The following CRAMP1 variants were observed in gnomAD, a reference collection of about 807,000 sequenced individuals.
The protein encoded by CRAMP1 is cramped chromatin regulator 1.
Under a neutral mutation model 115.4 loss-of-function variants are expected in CRAMP1, and 50 were observed. That is an observed-to-expected ratio of 0.43 (90% CI 0.35 to 0.55). The LOEUF is 0.55. Among genes scored for constraint, CRAMP1 ranks in the 20% least tolerant of loss-of-function variants. The pLI is 0.01. For missense variants in CRAMP1, 1,679 were observed against 1,721.7 expected (o/e 0.98, Z 0.44); for synonymous variants, 866 against 745.4 (o/e 1.16, Z -2.64).
At chr16:1,641,054 T>C (rs972612396) in intron 5 of CRAMP1, 85 bp from the exon 6 acceptor site, 81 of 906,242 alleles carry the variant, frequency 8.9e-5, no homozygotes, top group Non-Finnish European at 1.3e-4. Context: ...TTTGAGTCTA[T>C]ATTGAGCGGA....
intron 10 of CRAMP1, among the ~76,000 whole-genome samples, chr16:1,659,517 A>G (rs568430834): frequency 4.8e-4 from 73 of 151,932 alleles, no homozygotes; most frequent in Non-Finnish European, 7.8e-4. Context: ...CCTCCAGAGT[A>G]GCTGAGACTA....
rs145965128 is a variant in CRAMP1, at chr16:1,661,756, C to T, written c.2414-734C>T. Among the ~76,000 whole-genome samples the T allele has an allele frequency of 1.5e-3, 222 of 152,152 alleles. 1 individual carries two copies. Among genetic ancestry groups the T allele is most frequent in the African/African-American group, 4.9e-3 (203 of 41,498 alleles). On this transcript the variant is annotated intron_variant, in intron 11 of 20. Coordinates refer to ENST00000397412, the MANE Select transcript of CRAMP1 (RefSeq NM_020825.4). ...GATTACAGGCATGTGCCACCATGCT[C>T]GGGTAATTTTTGTTTTCAGTAGAGA... is the stretch of plus-strand genomic sequence containing the variant.
intron 3 of CRAMP1, among the ~76,000 whole-genome samples, chr16:1,626,813 C>T (rs1056292609): frequency 8.6e-5 from 13 of 151,776 alleles, no homozygotes; most frequent in Non-Finnish European, 1.3e-4. Context: ...TTTTTTTTAA[C>T]GCCTGTAAAT....
At position 1,659,735 on chromosome 16, in the gene CRAMP1, C is replaced by T. The variant is rs559413225; in HGVS notation, c.2236-151C>T. 5 of 760,558 alleles carry T rather than the reference C, an allele frequency of 6.6e-6. No homozygotes were observed. The East Asian group carries it at 8.1e-5, about 12-fold the overall frequency. The allele number at this position is 760,558 out of a possible 1,614,324, so 47.1% of individuals were successfully genotyped here. ...AAGCTGCCAAGCGACTCTGGGGACA[C>T]TGAGGTTGGGCGTCTCTGGCCCTGG... is the stretch of plus-strand genomic sequence containing the variant. On this transcript the variant is annotated intron_variant, in intron 10 of 20. Transcript: ENST00000397412.
At chr16:1,641,032 TC>T (rs775739854) in intron 5 of CRAMP1, 106 bp from the exon 6 acceptor site, 35 of 734,866 alleles carry the variant, frequency 4.8e-5, no homozygotes, top group Non-Finnish European at 7.1e-5. Context: ...ACTTTAATAT[TC>T]GGTAATGGGA....
At chr16:1,663,095 A>AT (rs1454590092) in intron 13 of CRAMP1, among the ~76,000 whole-genome samples, 1 of 152,250 alleles carries the variant, frequency 6.6e-6, no homozygotes, top group Non-Finnish European at 1.5e-5. Context: ...AATGTCCCAG[A>AT]TTGGGATGTA....
At chr16:1,620,109 T>C (rs1023253393) in intron 2 of CRAMP1, among the ~76,000 whole-genome samples, 2 of 151,780 alleles carry the variant, frequency 1.3e-5, no homozygotes, top group African/African-American at 4.8e-5. Flanking sequence ...CATGTGACCT[T>C]GGAGATGGTA....
chr16:1,655,885 A>C lies in CRAMP1; in HGVS notation c.1128A>C (p.Thr376=). ...WALHEVRVRK[T]LEERQLQDSC... ...CCTTGACGGGCACTCAGCGGAAGAC[A>C]CTCGAGGAGCGGCAGCTGCAGGACT... Residue 376 remains threonine (T), a synonymous_variant, in exon 10 of 21, where the codon ACA becomes ACC. Transcript: ENST00000397412. 2.5e-6 allele frequency: 4 copies of C among 1,607,796 alleles called. No individual in the cohort carries two copies. The highest frequency in any genetic ancestry group is 3.4e-6 in the Non-Finnish European group (4 of 1,176,084).
intron 4 of CRAMP1, among the ~76,000 whole-genome samples, chr16:1,635,675 A>G (rs1314473595): frequency 6.6e-6 from 1 of 152,170 alleles, no homozygotes; most frequent in Admixed American, 6.5e-5. Context: ...TTTAAAATAT[A>G]TATTTTAGAA....
chr16:1,619,771 G>A (rs1286335963), intron 2 of CRAMP1, among the ~76,000 whole-genome samples: 1 of 152,182 alleles, frequency 6.6e-6, no homozygotes, highest in African/African-American at 2.4e-5. Context: ...GGGAGTCCCG[G>A]CAGAGAAGGG....
chr16:1,615,189 T>C lies in CRAMP1; in HGVS notation c.346+204T>C, dbSNP rs533724086. Among the ~76,000 whole-genome samples the C allele has an allele frequency of 3.3e-5, 5 of 152,336 alleles. 1 individual carries two copies. The highest frequency in any genetic ancestry group is 1.2e-4 in the African/African-American group (5 of 41,574). ...TGCGACTTTCTATATTTAAACTCTT[T>C]GAAGAGGCAGTGAGTATCCTTTTTT... On this transcript the variant is annotated intron_variant, in intron 2 of 20. Coordinates refer to ENST00000397412, the MANE Select transcript of CRAMP1 (RefSeq NM_020825.4).
At chr16:1,663,030 A>G (rs1303167276) in intron 13 of CRAMP1, among the ~76,000 whole-genome samples, 195 bp downstream of exon 13, 1 of 152,270 alleles carries the variant, frequency 6.6e-6, no homozygotes, top group Non-Finnish European at 1.5e-5. Context: ...GTAATCTTTC[A>G]ATAACATGGA....
At chr16:1,617,328 A>G (rs1224727248) in intron 2 of CRAMP1, among the ~76,000 whole-genome samples, 1 of 152,182 alleles carries the variant, frequency 6.6e-6, no homozygotes, top group African/African-American at 2.4e-5. Context: ...TGTGCCCAGG[A>G]CATCCTCTGA....
In CRAMP1 at chr16:1,674,228, T is replaced by C; in HGVS notation, c.*183T>C. The stretch of plus-strand genomic sequence containing the variant: ...GCAACGGCGTCCAAGGAGACTAGGA[T>C]GAGTTCTTGGCAAGGGCCAGCGTTA... On this transcript the variant is annotated 3_prime_UTR_variant, in exon 21 of 21. Coordinates refer to ENST00000397412, the MANE Select transcript of CRAMP1 (RefSeq NM_020825.4). The C allele has an allele frequency of 1.6e-6, 1 of 626,158 alleles. No individual in the cohort carries two copies. The highest frequency in any genetic ancestry group is 2.0e-5 in the South Asian group (1 of 50,792). 38.8% of individuals were successfully genotyped at this position (626,158 alleles called of 1,614,324 possible).
chr16:1,629,969 C>T (rs540218920), intron 3 of CRAMP1, among the ~76,000 whole-genome samples: 2 of 152,100 alleles, frequency 1.3e-5, no homozygotes, highest in East Asian at 3.9e-4. Context: ...AAGCACAATG[C>T]CACCTCCCCT....
chr16:1,660,027 A>G lies in CRAMP1; in HGVS notation c.2377A>G (p.Lys793Glu). Reference sequence around the variant, plus strand: ...GAACCAGGCCTCCCTCCGCAGCAGCAAGACCTTCCCGCCCAGCTCTGCACC... The same window carrying G: ...GAACCAGGCCTCCCTCCGCAGCAGCGAGACCTTCCCGCCCAGCTCTGCACC... ...PRNQASLRSSKTFPPSSAPCS... is the reference protein window; with the variant it reads ...PRNQASLRSSETFPPSSAPCS... Residue 793 changes from lysine to glutamate, a missense_variant, in exon 11 of 21, where the codon AAG (lysine) becomes GAG (glutamate). Coordinates refer to ENST00000397412, the MANE Select transcript of CRAMP1 (RefSeq NM_020825.4). 6.3e-7 allele frequency: 1 copy of G among 1,599,852 alleles called. No individual in the cohort carries two copies. Among genetic ancestry groups the G allele is most frequent in the Admixed American group, 1.7e-5 (1 of 59,562 alleles).
chr16:1,651,826 A>G (rs988046546), intron 6 of CRAMP1, among the ~76,000 whole-genome samples: 1 of 150,334 alleles, frequency 6.7e-6, no homozygotes, highest in Non-Finnish European at 1.5e-5. Context: ...AGAAAGGTGG[A>G]TTGAGGTCAC....
intron 9 of CRAMP1, 98 bp downstream of exon 9, chr16:1,655,398 C>T (rs907191544): frequency 8.7e-5 from 84 of 967,192 alleles, no homozygotes; most frequent in Admixed American, 1.8e-4. Flanking sequence ...TCATGGTCCC[C>T]GTGGGCAGAA....
At chr16:1,650,025 C>G (rs1276279743) in intron 6 of CRAMP1, among the ~76,000 whole-genome samples, 1 of 152,056 alleles carries the variant, frequency 6.6e-6, no homozygotes, top group East Asian at 1.9e-4. Flanking sequence ...AACTCCTGAC[C>G]TCAGCTGATC....
Sources: allele counts gnomAD v4.1 joint callset (sites outside exome capture counted in the v4.1 genomes callset), GRCh38; gene constraint gnomAD v4.1.1; transcripts MANE v1.5; gene names NCBI Gene and HGNC (gene_info 2026-07-23, HGNC 2026-07-21).